RBM4: variants seen among roughly 807,000 people sequenced by gnomAD.
RBM4 encodes the protein RNA-binding protein 4.
A neutral mutation model predicts 29.5 loss-of-function variants in RBM4; 7 were observed. The ratio of observed to expected loss-of-function variants is 0.24; its 90% CI spans 0.14 to 0.45. RBM4 has a LOEUF of 0.45. Among genes scored for constraint, RBM4 ranks in the 20% least tolerant of loss-of-function variants. The pLI, the probability that RBM4 is intolerant of heterozygous loss-of-function variation, is 1.00. For synonymous variants in RBM4, 220 were observed against 205.4 expected, an observed-to-expected ratio of 1.07 and a Z score of -0.61; for missense variants, 387 against 502.3, an observed-to-expected ratio of 0.77 and a Z score of 2.19.
chr11:66,663,156 A>G (rs1460134932), intron 2 of RBM4, among the ~76,000 whole-genome samples: 1 of 152,236 alleles, frequency 6.6e-6, no homozygotes, highest in African/African-American at 2.4e-5. Context: ...CCATCATTAA[A>G]TGTGTTCTAT....
At position 66,646,446 on chromosome 11, in the gene RBM4, G is replaced by T. The variant is rs1429737965; in HGVS notation, c.*428G>T. 3 of 1,016,044 alleles carry T rather than the reference G, an allele frequency of 3.0e-6. No homozygotes were observed. The highest frequency in any genetic ancestry group is 4.4e-5 in the South Asian group (1 of 22,498). 62.9% of individuals were successfully genotyped at this position (1,016,044 alleles called of 1,614,324 possible). On this transcript the variant is annotated 3_prime_UTR_variant, in exon 4 of 4. Coordinates refer to ENST00000310092, the MANE Select transcript of RBM4 (RefSeq NM_002896.4). ...TTGGATCACTTTTTTTCTTTCCGGT[G>T]AAATAAATGGTTTTTCAACTTAGGG...
chr11:66,644,180 C>T, intron 3 of RBM4, 40 bp downstream of exon 3: 1 of 1,573,402 alleles, frequency 6.4e-7, no homozygotes, highest in Non-Finnish European at 8.6e-7. Flanking sequence ...GTTTTGCCAT[C>T]CCTCCTGCAG....
intron 2 of RBM4, among the ~76,000 whole-genome samples, chr11:66,642,561 C>A (rs890072644): frequency 6.6e-6 from 1 of 152,188 alleles, no homozygotes; most frequent in African/African-American, 2.4e-5. Flanking sequence ...CTTAGTTACG[C>A]TCTCAGATAT....
At chr11:66,641,512 T>C (rs1227391140) in intron 2 of RBM4, among the ~76,000 whole-genome samples, 1 of 152,170 alleles carries the variant, frequency 6.6e-6, no homozygotes, top group Non-Finnish European at 1.5e-5. Flanking sequence ...GTTGCTCTTG[T>C]GGAGGGTTTA....
chr11:66,642,691 T>G (rs1938519921), intron 2 of RBM4, among the ~76,000 whole-genome samples: 1 of 152,242 alleles, frequency 6.6e-6, no homozygotes, highest in Non-Finnish European at 1.5e-5. Context: ...TTTACAGTAT[T>G]CTAAAATTTC....
intron 2 of RBM4, among the ~76,000 whole-genome samples, chr11:66,654,678 A>G (rs763733826): frequency 1.8e-5 from 2 of 109,126 alleles, no homozygotes; most frequent in Admixed American, 1.1e-4. Context: ...AGTTTTGATT[A>G]ATTTTGTTTT....
At chr11:66,653,847 T>C (rs1938885760) in intron 2 of RBM4, among the ~76,000 whole-genome samples, 1 of 150,820 alleles carries the variant, frequency 6.6e-6, no homozygotes, top group East Asian at 1.9e-4. Context: ...AGAGTCCTGC[T>C]CTGTCGCCCA....
At chr11:66,663,698 G>GTT (rs1939129161) in intron 2 of RBM4, among the ~76,000 whole-genome samples, 1 of 119,950 alleles carries the variant, frequency 8.3e-6, no homozygotes, top group East Asian at 2.7e-4. Flanking sequence ...AAATGTGTGT[G>GTT]TATATGTGTG....
chr11:66,647,140 GTTAT>G (rs1298637815), downstream of RBM4, among the ~76,000 whole-genome samples: 3 of 152,232 alleles, frequency 2.0e-5, no homozygotes, highest in Non-Finnish European at 4.4e-5. Flanking sequence ...TCTTGAAACA[GTTAT>G]TTGTCTTCCA....
chr11:66,660,394 C>G (rs1031862903), intron 2 of RBM4, among the ~76,000 whole-genome samples: 1 of 149,388 alleles, frequency 6.7e-6, no homozygotes, highest in Non-Finnish European at 1.5e-5. Flanking sequence ...GCTCTGCAAC[C>G]AGGCTGGAGT....
At position 66,638,733 on chromosome 11, in the gene RBM4, C is replaced by G. The variant is rs1404824392; in HGVS notation, c.-32C>G. On this transcript the variant is annotated 5_prime_UTR_variant, in exon 1 of 4. Transcript: ENST00000310092. ...AAGCGTCCGCGCCGCGAGGAGGAGGCCCTGCTGGTTTCTGTGCGGGTGAGA... is the reference window on the plus strand; with the variant it reads ...AAGCGTCCGCGCCGCGAGGAGGAGGGCCTGCTGGTTTCTGTGCGGGTGAGA... 1 of 153,360 alleles carries G rather than the reference C, an allele frequency of 6.5e-6. No individual in the cohort carries two copies. The highest frequency in any genetic ancestry group is 2.1e-4 in the South Asian group (1 of 4,878). The allele number at this position is 153,360 out of a possible 1,614,324, so 9.5% of individuals were successfully genotyped here.
At chr11:66,640,677 C>G (rs928909983) in intron 2 of RBM4, 1 of 155,508 alleles carries the variant, frequency 6.4e-6, no homozygotes, top group African/African-American at 2.4e-5. Context: ...TCTAGAATTA[C>G]AAGGCTGATT....
At chr11:66,665,683 A>G in intron 2 of RBM4, 2 of 1,510,574 alleles carry the variant, frequency 1.3e-6, no homozygotes, top group Non-Finnish European at 1.8e-6. Flanking sequence ...GGGAAAAAAA[A>G]GAACAAAACA....
rs1216677349 is a variant in RBM4 at position 66,655,285 on chromosome 11, ACTT to A, written c.413-10567_413-10565del. Among the ~76,000 whole-genome samples, 14 of 147,272 alleles carry A rather than the reference ACTT, an allele frequency of 9.5e-5. 1 individual carries two copies. The East Asian group carries it at 2.8e-3, about 30-fold the overall frequency. On this transcript the variant is annotated intron_variant, in intron 2 of 2. Transcript: ENST00000396053. ...ACAGGCATGAGCCACTGCACTCGGCACTTCTTTTCTTTTTTTTTTTTTGAGACA... is the reference window on the plus strand; with the variant it reads ...ACAGGCATGAGCCACTGCACTCGGCACTTTTCTTTTTTTTTTTTTGAGACA...
chr11:66,659,263 C>CTTTT (rs767959263), intron 2 of RBM4, among the ~76,000 whole-genome samples: 205 of 67,336 alleles, frequency 3.0e-3, no homozygotes, highest in Non-Finnish European at 3.5e-3. Context: ...CTTCTTGGTT[C>CTTTT]TTTTTTTTTT....
chr11:66,650,831 C>G (rs1590869484), downstream of RBM4, among the ~76,000 whole-genome samples: 2 of 152,230 alleles, frequency 1.3e-5, no homozygotes, highest in South Asian at 4.2e-4. Flanking sequence ...CCACTGCACT[C>G]CAGCCGGGGC....
chr11:66,665,619 G>A, intron 2 of RBM4: 4 of 1,535,806 alleles, frequency 2.6e-6, no homozygotes, highest in Non-Finnish European at 2.6e-6. Flanking sequence ...ACAATGCCTG[G>A]AGAGCAGCCT....
chr11:66,639,593 G>T (rs1428660469), intron 1 of RBM4, 107 bp from the exon 2 acceptor site: 18 of 1,359,986 alleles, frequency 1.3e-5, no homozygotes, highest in Non-Finnish European at 1.6e-5. Flanking sequence ...GTGTGCAGGC[G>T]TGTGAGAGAG....
downstream of RBM4, among the ~76,000 whole-genome samples, chr11:66,646,785 C>T (rs1261459784): frequency 6.6e-6 from 1 of 152,202 alleles, no homozygotes; most frequent in Non-Finnish European, 1.5e-5. Context: ...CCATTCCAAT[C>T]ACCCAGTCAG....
Sources: gnomAD v4.1 joint callset for allele counts (sites outside exome capture counted in the v4.1 genomes callset) on GRCh38, gnomAD v4.1.1 for gene constraint, MANE v1.5 for transcripts, NCBI Gene and HGNC (gene_info 2026-07-23, HGNC 2026-07-21) for gene names.